The following HOXA10 variants were observed in gnomAD, a reference collection of about 807,000 sequenced individuals.
HOXA10 encodes the protein homeobox protein Hox-A10.
HOXA10 carries 12 observed loss-of-function variants against 29.7 expected under a neutral mutation model. The ratio of observed to expected loss-of-function variants is 0.40; its 90% CI spans 0.26 to 0.65. HOXA10 has a LOEUF of 0.65. Among genes scored for constraint, HOXA10 ranks in the 30% least tolerant of loss-of-function variants. HOXA10 has a pLI of 0.37. For missense variants in HOXA10, 656 were observed against 585.9 expected (o/e 1.12, Z -1.24); for synonymous variants, 327 against 280.7 (o/e 1.16, Z -1.65).
Position 27,173,883 on chromosome 7 carries a change from G to A in HOXA10, c.424C>T (p.Pro142Ser). 1 of 1,568,136 alleles carries A rather than the reference G, an allele frequency of 6.4e-7. No individual in the cohort carries two copies. The highest frequency in any genetic ancestry group is 8.6e-7 in the Non-Finnish European group (1 of 1,157,478). Reference protein sequence around the residue: ...GPPPPPQQQPPPPPQPPQPAP... With the variant: ...GPPPPPQQQPSPPPQPPQPAP... ...GGCTGGGGTGGTTGCGGCGGGGGCG[G>A]CGGCTGCTGCTGGGGCGGCGGCGGC... Residue 142 changes from proline to serine, a missense_variant, in exon 1 of 2, where the codon CCG becomes TCG. Pro to Ser is a moderately conservative substitution (Grantham distance 74). Transcript: ENST00000283921.
exon 1 of HOXA10, chr7:27,179,861 T>C (rs1783724100): frequency 2.9e-6 from 2 of 691,052 alleles, no homozygotes; most frequent in African/African-American, 1.8e-5. Context: ...AGAATCATGC[T>C]GGGGTTCCCG....
At position 27,173,729 on chromosome 7, in the gene HOXA10, C is replaced by A. The variant is rs780711252; in HGVS notation, c.578G>T (p.Arg193Leu). The A allele has an allele frequency of 6.3e-7, 1 of 1,590,190 alleles. No homozygotes were observed. Among genetic ancestry groups the A allele is most frequent in the Non-Finnish European group, 8.6e-7 (1 of 1,169,134 alleles). ...ATAAELAPFP[R>L]GPPPDGCALG... ...GGCGCAGCCGTCGGGCGGCGGGCCCCGCGGGAAGGGAGCCAGTTCGGCGGC... is the reference window on the plus strand; with the variant it reads ...GGCGCAGCCGTCGGGCGGCGGGCCCAGCGGGAAGGGAGCCAGTTCGGCGGC... The change falls in exon 1 of 2, where the codon CGG becomes CTG. Residue 193 changes from arginine to leucine, a missense_variant. Physicochemically the swap from Arg to Leu is moderately radical, Grantham distance 102 (BLOSUM62 -2). This residue lies in a region of HOXA10 where 594 missense variants were observed against 491.9 expected (regional missense o/e 1.21). Transcript: ENST00000283921.
chr7:27,174,004 C>T lies in HOXA10; in HGVS notation c.303G>A (p.Gly101=). 6.5e-7 allele frequency: 1 copy of T among 1,528,612 alleles called. No individual in the cohort carries two copies. The highest frequency in any genetic ancestry group is 8.7e-7 in the Non-Finnish European group (1 of 1,143,826). The allele number at this position is 1,528,612 out of a possible 1,614,324, so 94.7% of individuals were successfully genotyped here. A position where few individuals can be genotyped will look rare whatever the true frequency, so the allele number is the denominator to read the frequency against. The part of the protein sequence containing the change: ...AASPGSGGGG[G]GLGPGAHGYG... ...AGCCGTGCGCCCCGGGACCTAGACC[C>T]CCGCCACCGCCACCGCTGCCCGGCG... Residue 101 remains glycine, a synonymous_variant, in exon 1 of 2, where the codon GGG becomes GGA. Coordinates refer to ENST00000283921, the MANE Select transcript of HOXA10 (RefSeq NM_018951.4).
chr7:27,173,827 C>T lies in HOXA10; in HGVS notation c.480G>A (p.Ala160=), dbSNP rs751339741. 6.2e-7 allele frequency: 1 copy of T among 1,610,930 alleles called. No homozygotes were observed. The highest frequency in any genetic ancestry group is 8.5e-7 in the Non-Finnish European group (1 of 1,178,614). Residue 160 remains alanine, a synonymous_variant, in exon 1 of 2, where the codon GCG becomes GCA. Transcript: ENST00000283921. The part of the protein sequence containing the change: ...PAPQATSCSF[A]QNIKEESSYC... Reference sequence around the variant, plus strand: ...AGGAGCTCTCTTCTTTGATGTTCTGCGCGAAAGAGCACGAGGTGGCCTGCG... The same window carrying T: ...AGGAGCTCTCTTCTTTGATGTTCTGTGCGAAAGAGCACGAGGTGGCCTGCG...
rs1015728047 is a variant in HOXA10, at chr7:27,170,973, C to T, written c.*926G>A. 9.0e-6 allele frequency: 4 copies of T among 445,918 alleles called. No homozygotes were observed. The highest frequency in any genetic ancestry group is 8.3e-5 in the African/African-American group (4 of 48,264). The allele number at this position is 445,918 out of a possible 1,614,324, so 27.6% of individuals were successfully genotyped here. A position where few individuals can be genotyped will look rare whatever the true frequency, so the allele number is the denominator to read the frequency against. On this transcript the variant is annotated 3_prime_UTR_variant, in exon 2 of 2. Transcript: ENST00000283921. ...AAAGCAAAAACAAACAAAAAAAAAACTTTTTGTTCAAGGCGATTTAAAAAA... is the reference window on the plus strand; with the variant it reads ...AAAGCAAAAACAAACAAAAAAAAAATTTTTTGTTCAAGGCGATTTAAAAAA...
In HOXA10 at chr7:27,171,197, G is replaced by A. The variant is rs748543251; in HGVS notation, c.*702C>T. 4 of 454,068 alleles carry A rather than the reference G, an allele frequency of 8.8e-6. No homozygotes were observed. Among genetic ancestry groups the A allele is most frequent in the Non-Finnish European group, 1.8e-5 (4 of 226,774 alleles). The allele number at this position is 454,068 out of a possible 1,614,324, so 28.1% of individuals were successfully genotyped here. ...ATGTAAGACCTTACAGAAACTGGAA[G>A]AGAAGTCCCCTTCTCTTGGTAATTC... On this transcript the variant is annotated 3_prime_UTR_variant, in exon 2 of 2. Transcript: ENST00000283921.
chr7:27,174,206 A>C lies in HOXA10; in HGVS notation c.101T>G (p.Leu34Arg), dbSNP rs774838700. 2 of 1,601,036 alleles carry C rather than the reference A, an allele frequency of 1.2e-6. No individual in the cohort carries two copies. Among genetic ancestry groups the C allele is most frequent in the Non-Finnish European group, 1.7e-6 (2 of 1,179,802 alleles). Reference sequence around the variant, plus strand: ...TGCCTCGCCTCTGCCCGAGCTGATGAGCGAGTCGACCAAAAAAGAGTTCGC... The same window carrying C: ...TGCCTCGCCTCTGCCCGAGCTGATGCGCGAGTCGACCAAAAAAGAGTTCGC... ...PAANSFLVDS[L>R]ISSGRGEAGG... The change falls in exon 1 of 2, where the codon CTC (leucine) becomes CGC (arginine). Residue 34 changes from leucine (L) to arginine (R), a missense_variant. Transcript: ENST00000283921.
chr7:27,174,381 C>A, upstream of HOXA10: 5 of 1,575,014 alleles, frequency 3.2e-6, no homozygotes, highest in East Asian at 2.3e-5. Flanking sequence ...CAATCCCGAG[C>A]CAGAGTTTCC....
chr7:27,171,387 A>C lies in HOXA10; in HGVS notation c.*512T>G, dbSNP rs1306592652. The C allele has an allele frequency of 2.2e-6, 1 of 454,782 alleles. No individual in the cohort carries two copies. The allele number at this position is 454,782 out of a possible 1,614,324, so 28.2% of individuals were successfully genotyped here. Reference sequence around the variant, plus strand: ...TGGCCAAGGAAGAAAGGAAGAAAGAAAAAAGAAACCCAGGGGCCTGTATCC... The same window carrying C: ...TGGCCAAGGAAGAAAGGAAGAAAGACAAAAGAAACCCAGGGGCCTGTATCC... On this transcript the variant is annotated 3_prime_UTR_variant, in exon 2 of 2. Transcript: ENST00000283921.
At position 27,170,744 on chromosome 7, in the gene HOXA10, C is replaced by A. The variant is rs1463461251; in HGVS notation, c.*1155G>T. On this transcript the variant is annotated 3_prime_UTR_variant, in exon 2 of 2. Coordinates refer to ENST00000283921, the MANE Select transcript of HOXA10 (RefSeq NM_018951.4). ...TAACATTTATAATAACGATAGAATGCATTTGCTTAAAACAAGATTGGCAAT... is the reference window on the plus strand; with the variant it reads ...TAACATTTATAATAACGATAGAATGAATTTGCTTAAAACAAGATTGGCAAT... 2.2e-6 allele frequency: 1 copy of A among 447,858 alleles called. No homozygotes were observed. Among genetic ancestry groups the A allele is most frequent in the East Asian group, 6.9e-5 (1 of 14,394 alleles). The allele number at this position is 447,858 out of a possible 1,614,324, so 27.7% of individuals were successfully genotyped here. A position where few individuals can be genotyped will look rare whatever the true frequency, so the allele number is the denominator to read the frequency against.
At position 27,173,435 on chromosome 7, in the gene HOXA10, T is replaced by G; in HGVS notation, c.872A>C (p.Glu291Ala). The part of the protein sequence containing the change: ...GSGGGSQGDE[E>A]AHASSSAAEE... ...CGCGGCCGAGGACGACGCGTGCGCCTCCTCGTCGCCCTGCGAGCCCCCGCC... is the reference window on the plus strand; with the variant it reads ...CGCGGCCGAGGACGACGCGTGCGCCGCCTCGTCGCCCTGCGAGCCCCCGCC... Residue 291 changes from glutamate (E) to alanine (A), a missense_variant, in exon 1 of 2, where the codon GAG becomes GCG. Around this residue, in one of 2 missense-constraint regions of HOXA10, gnomAD observed 594 missense variants for 491.9 expected, o/e 1.21. Coordinates refer to ENST00000283921, the MANE Select transcript of HOXA10 (RefSeq NM_018951.4). The G allele has an allele frequency of 6.3e-7, 1 of 1,587,606 alleles. No individual in the cohort carries two copies. The highest frequency in any genetic ancestry group is 8.5e-7 in the Non-Finnish European group (1 of 1,169,978).
intron 1 of HOXA10, chr7:27,173,062 A>C: frequency 4.8e-5 from 23 of 474,592 alleles, no homozygotes; most frequent in East Asian, 1.7e-4. Flanking sequence ...CCTCCCGGCC[A>C]CAGGAAAGAG....
rs1278120360 is a variant in HOXA10, at chr7:27,170,625, C to T, written c.*1274G>A. ...AAAGCTTCATTCCACAGCTTTTATTCTATAAGAACATAAACATCGTCTTTT... is the reference window on the plus strand; with the variant it reads ...AAAGCTTCATTCCACAGCTTTTATTTTATAAGAACATAAACATCGTCTTTT... On this transcript the variant is annotated 3_prime_UTR_variant, in exon 2 of 2. Coordinates refer to ENST00000283921, the MANE Select transcript of HOXA10 (RefSeq NM_018951.4). The T allele has an allele frequency of 2.8e-6, 1 of 356,912 alleles. No individual in the cohort carries two copies. The highest frequency in any genetic ancestry group is 5.4e-6 in the Non-Finnish European group (1 of 185,186). The allele number at this position is 356,912 out of a possible 1,614,324, so 22.1% of individuals were successfully genotyped here.
upstream of HOXA10, among the ~76,000 whole-genome samples, chr7:27,178,182 T>C (rs577686714): frequency 4.9e-4 from 74 of 152,136 alleles, 2 homozygotes; most frequent in Non-Finnish European, 9.3e-4. Flanking sequence ...AGCGGTGGAG[T>C]TGGGCTGCAG....
chr7:27,176,720 C>T (rs1330729862), upstream of HOXA10, among the ~76,000 whole-genome samples: 1 of 152,244 alleles, frequency 6.6e-6, no homozygotes. Context: ...AGCAACTTCC[C>T]AGGCCGACAT....
Position 27,174,028 on chromosome 7 carries a change from C to T in HOXA10, c.279G>A (p.Ser93=). Residue 93 remains serine (S), a synonymous_variant, in exon 1 of 2, where the codon TCG becomes TCA. Transcript: ENST00000283921. ...CCCCGCCACCGCCACCGCTGCCCGGCGACGCTGCCTCATTGCGCTTGCCGC... is the reference window on the plus strand; with the variant it reads ...CCCCGCCACCGCCACCGCTGCCCGGTGACGCTGCCTCATTGCGCTTGCCGC... ...TLGGKRNEAA[S]PGSGGGGGGL... The T allele has an allele frequency of 6.5e-7, 1 of 1,531,336 alleles. No homozygotes were observed. Among genetic ancestry groups the T allele is most frequent in the Admixed American group, 2.0e-5 (1 of 50,916 alleles). 94.9% of individuals were successfully genotyped at this position (1,531,336 alleles called of 1,614,324 possible).
At position 27,173,340 on chromosome 7, in the gene HOXA10, C is replaced by A. The variant is rs112203709; in HGVS notation, c.958+9G>T. ...CCGCCTGACTGCAGCCCTCTGCAGC[C>A]CTGCTTACCCAGGGAATCCTTCTCC... On this transcript the variant is annotated intron_variant, in intron 1 of 1. Coordinates refer to ENST00000283921, the MANE Select transcript of HOXA10 (RefSeq NM_018951.4). The A allele has an allele frequency of 4.9e-4, 794 of 1,611,812 alleles. 4 individuals are homozygous for A. In the African/African-American group the frequency reaches 9.6e-3, roughly 20 times the overall value.
At chr7:27,175,843 T>A (rs1482016274), upstream of HOXA10, among the ~76,000 whole-genome samples, 3 of 152,208 alleles carry the variant, frequency 2.0e-5, no homozygotes, top group Admixed American at 1.3e-4. Flanking sequence ...GACTCTTGCA[T>A]CCGGGTCATA....
At chr7:27,179,076 G>A (rs1783704390), upstream of HOXA10, among the ~76,000 whole-genome samples, 1 of 152,244 alleles carries the variant, frequency 6.6e-6, no homozygotes, top group Admixed American at 6.5e-5. Flanking sequence ...CTCCAAGTAT[G>A]CAACACAGAG....
Sources: gnomAD v4.1 joint callset for allele counts (sites outside exome capture counted in the v4.1 genomes callset) on GRCh38, gnomAD v4.1.1 for gene constraint, gnomAD v4.1.1 regional missense constraint, MANE v1.5 for transcripts, NCBI Gene and HGNC (gene_info 2026-07-23, HGNC 2026-07-21) for gene names.